SMIM14: variants seen among roughly 807,000 people sequenced by gnomAD.
SMIM14 encodes small integral membrane protein 14.
In SMIM14, 5 loss-of-function variants were observed where a neutral mutation model predicts 12.6. The observed-to-expected ratio is 0.40, with a 90% CI of 0.21 to 0.83. The LOEUF (loss-of-function observed/expected upper bound fraction) is 0.83. Among genes scored for constraint, SMIM14 ranks in the 40% least tolerant of loss-of-function variants. SMIM14 has a pLI of 0.37. For missense variants in SMIM14, 86 were observed against 119.1 expected, an observed-to-expected ratio of 0.72 and a Z score of 1.29; for synonymous variants, 30 against 40.1, an observed-to-expected ratio of 0.75 and a Z score of 0.95.
Position 39,605,059 on chromosome 4 carries a change from G to C in SMIM14, c.75+12C>G. ...GATCAGTTCAGAATAGGATTGTCCTGTTGCATCTCACCAGATTGATCAGTC... is the reference window on the plus strand; with the variant it reads ...GATCAGTTCAGAATAGGATTGTCCTCTTGCATCTCACCAGATTGATCAGTC... On this transcript the variant is annotated intron_variant, in intron 2 of 4. Coordinates refer to ENST00000295958, the MANE Select transcript of SMIM14 (RefSeq NM_174921.3). 2 of 1,520,112 alleles carry C rather than the reference G, an allele frequency of 1.3e-6. No homozygotes were observed. Among genetic ancestry groups the C allele is most frequent in the Non-Finnish European group, 1.8e-6 (2 of 1,098,834 alleles). 94.2% of individuals were successfully genotyped at this position (1,520,112 alleles called of 1,614,324 possible).
At chr4:39,578,888 C>G (rs369676677) in intron 2 of SMIM14, among the ~76,000 whole-genome samples, 1 of 150,526 alleles carries the variant, frequency 6.6e-6, no homozygotes, top group East Asian at 2.0e-4. Context: ...CCCAGCTACT[C>G]GGGAGGCTGA....
At position 39,547,269 on chromosome 4, in the gene SMIM14, C is replaced by A. The variant is rs1339203075; in HGVS notation, c.*4857G>T. On this transcript the variant is annotated 3_prime_UTR_variant, in exon 5 of 5. Coordinates refer to ENST00000295958, the MANE Select transcript of SMIM14 (RefSeq NM_174921.3). ...AGGCAAAAGATGCTTGCTTCTCTTC[C>A]CACAAAAGCCAAACAGAAAACACAA... 1 of 152,020 alleles carries A rather than the reference C, an allele frequency of 6.6e-6. No individual in the cohort carries two copies. The highest frequency in any genetic ancestry group is 1.5e-5 in the Non-Finnish European group (1 of 67,972). The allele number at this position is 152,020 out of a possible 1,614,324, so 9.4% of individuals were successfully genotyped here.
At chr4:39,570,220 G>A (rs1382420717) in intron 3 of SMIM14, among the ~76,000 whole-genome samples, 1 of 152,028 alleles carries the variant, frequency 6.6e-6, no homozygotes, top group Non-Finnish European at 1.5e-5. Context: ...GAGTGCAGTG[G>A]TGTGATCGCA....
At chr4:39,638,360 G>A in intron 1 of SMIM14, 1 of 626,990 alleles carries the variant, frequency 1.6e-6, no homozygotes, top group Non-Finnish European at 2.0e-6. Flanking sequence ...ACAAGATAGT[G>A]TGGATTTCAG....
chr4:39,618,430 C>T (rs376028441), intron 1 of SMIM14, among the ~76,000 whole-genome samples: 1 of 151,848 alleles, frequency 6.6e-6, no homozygotes, highest in Non-Finnish European at 1.5e-5. Flanking sequence ...GGGTGGGTCA[C>T]GAGGTCAGGA....
intron 2 of SMIM14, among the ~76,000 whole-genome samples, chr4:39,597,446 T>G (rs1391653913): frequency 6.8e-6 from 1 of 147,776 alleles, no homozygotes; most frequent in Non-Finnish European, 1.5e-5. Flanking sequence ...GTATTTTTTT[T>G]TTTTTTTTTT....
intron 1 of SMIM14, among the ~76,000 whole-genome samples, chr4:39,614,987 C>T (rs905309667): frequency 2.6e-5 from 4 of 152,214 alleles, no homozygotes; most frequent in Admixed American, 2.0e-4. Context: ...AGGGAATTTT[C>T]CAGTGCTGTT....
chr4:39,593,904 G>A (rs1714236656), intron 2 of SMIM14: 2 of 152,048 alleles, frequency 1.3e-5, no homozygotes, highest in Admixed American at 1.3e-4. Context: ...AATAAAAGAG[G>A]ATACAAACAA....
intron 1 of SMIM14, among the ~76,000 whole-genome samples, chr4:39,605,780 G>A (rs1054839603): frequency 6.6e-6 from 1 of 152,082 alleles, no homozygotes; most frequent in African/African-American, 2.4e-5. Context: ...TCGCTCTGTC[G>A]CCCAGGCTGG....
rs1327121941 is a variant in SMIM14, at chr4:39,608,156, G to A, written c.-35-2976C>T. On this transcript the variant is annotated intron_variant, in intron 1 of 4. Coordinates refer to ENST00000295958, the MANE Select transcript of SMIM14 (RefSeq NM_174921.3). Reference sequence around the variant, plus strand: ...TAAGACTCAACAATTCTACTCATAGGTATATACCTAAGAGATTTGAAAACA... The same window carrying A: ...TAAGACTCAACAATTCTACTCATAGATATATACCTAAGAGATTTGAAAACA... Among the ~76,000 whole-genome samples, 19 of 152,152 alleles carry A rather than the reference G, an allele frequency of 1.2e-4. 1 individual carries two copies. The highest frequency in any genetic ancestry group is 1.9e-4 in the Non-Finnish European group (13 of 68,038).
At chr4:39,632,272 G>A (rs1039813556) in intron 1 of SMIM14, among the ~76,000 whole-genome samples, 7 of 151,250 alleles carry the variant, frequency 4.6e-5, no homozygotes, top group African/African-American at 1.7e-4. Context: ...AGGCGGTCAA[G>A]AGATCAAGAC....
At chr4:39,582,797 T>C (rs1713582550) in intron 2 of SMIM14, among the ~76,000 whole-genome samples, 1 of 152,070 alleles carries the variant, frequency 6.6e-6, no homozygotes, top group Non-Finnish European at 1.5e-5. Flanking sequence ...TTTTTATTTT[T>C]ATTTATTTAT....
chr4:39,633,674 C>T (rs1715989434), intron 1 of SMIM14, among the ~76,000 whole-genome samples: 1 of 152,150 alleles, frequency 6.6e-6, no homozygotes, highest in African/African-American at 2.4e-5. Context: ...GGGAGAATCG[C>T]ATGAGCCCAG....
intron 2 of SMIM14, among the ~76,000 whole-genome samples, chr4:39,580,222 C>A (rs1467193755): frequency 6.6e-6 from 1 of 151,954 alleles, no homozygotes; most frequent in Non-Finnish European, 1.5e-5. Context: ...ACTCTGTCAC[C>A]CGAGCTAGTG....
chr4:39,637,563 C>G (rs1300435524), intron 1 of SMIM14, among the ~76,000 whole-genome samples: 1 of 150,752 alleles, frequency 6.6e-6, no homozygotes, highest in Non-Finnish European at 1.5e-5. Flanking sequence ...TTAATGAGTT[C>G]TCGGGGGTGA....
intron 2 of SMIM14, chr4:39,592,888 C>T (rs562468795): frequency 2.6e-5 from 4 of 152,224 alleles, no homozygotes; most frequent in African/African-American, 9.6e-5. Flanking sequence ...CAATAACAGG[C>T]TCTGAAATTG....
intron 2 of SMIM14, among the ~76,000 whole-genome samples, chr4:39,577,705 G>A (rs1713276822): frequency 6.6e-6 from 1 of 152,118 alleles, no homozygotes; most frequent in Non-Finnish European, 1.5e-5. Flanking sequence ...TGGGATTTAG[G>A]TGTGAGCCAC....
chr4:39,618,168 GAA>G (rs1018117761), intron 1 of SMIM14, among the ~76,000 whole-genome samples: 3 of 152,152 alleles, frequency 2.0e-5, no homozygotes, highest in Non-Finnish European at 2.9e-5. Flanking sequence ...GGCAAATACA[GAA>G]AAGGCCCCCA....
rs1430685574 is a variant in SMIM14, at chr4:39,572,406, G to A, written c.124+9C>T. 1 of 1,588,926 alleles carries A rather than the reference G, an allele frequency of 6.3e-7. No homozygotes were observed. Among genetic ancestry groups the A allele is most frequent in the South Asian group, 1.1e-5 (1 of 89,318 alleles). On this transcript the variant is annotated intron_variant, in intron 3 of 4. Coordinates refer to ENST00000295958, the MANE Select transcript of SMIM14 (RefSeq NM_174921.3). ...ATGCCATCCTTCCTCCTGTCTCAGT[G>A]GTACTTACATTCCTGAAGACACTCT...
Sources: gnomAD v4.1 joint callset for allele counts (sites outside exome capture counted in the v4.1 genomes callset) on GRCh38, gnomAD v4.1.1 for gene constraint, MANE v1.5 for transcripts, NCBI Gene and HGNC (gene_info 2026-07-23, HGNC 2026-07-21) for gene names.